The following DDN variants were observed in gnomAD, a reference collection of about 807,000 sequenced individuals.
DDN encodes the protein dendrin.
DDN carries 4 observed loss-of-function variants against 7.3 expected under a neutral mutation model. The ratio of observed to expected loss-of-function variants is 0.55; its 90% CI spans 0.27 to 1.25. DDN has a LOEUF of 1.25. Among genes scored for constraint, DDN ranks in the 50% most tolerant of loss-of-function variants. DDN has a pLI of 0.12. For synonymous variants in DDN, 425 were observed against 424.3 expected, an observed-to-expected ratio of 1.00 and a Z score of -0.02; for missense variants, 933 against 974.7, an observed-to-expected ratio of 0.96 and a Z score of 0.57.
At chr12:48,998,722 T>C in intron 1 of DDN, 56 bp from the exon 2 acceptor site, 1 of 1,433,670 alleles carries the variant, frequency 7.0e-7, no homozygotes, top group Non-Finnish European at 9.1e-7. Context: ...GGAGCCGAGG[T>C]CCGGGGAGCT....
Position 48,997,051 on chromosome 12 carries a change from CGGCGTAGGGCCCT to C in DDN, c.1812_1824del (p.Tyr607CysfsTer66). ...CGGGACACGGCTTCTCGCAGGGCCCCGGCGTAGGGCCCTGGGGTCCGCGCCCAGCCCCGGCCGG... is the reference window on the plus strand; with the variant it reads ...CGGGACACGGCTTCTCGCAGGGCCCCGGGGTCCGCGCCCAGCCCCGGCCGG... On this transcript the variant is annotated frameshift_variant, in exon 2 of 2. Coordinates refer to ENST00000421952, the MANE Select transcript of DDN (RefSeq NM_015086.2). LOFTEE classifies it high-confidence loss of function. 1 of 1,546,024 alleles carries C rather than the reference CGGCGTAGGGCCCT, an allele frequency of 6.5e-7. No homozygotes were observed. The highest frequency in any genetic ancestry group is 8.7e-7 in the Non-Finnish European group (1 of 1,151,224).
Position 48,997,110 on chromosome 12 carries a change from A to G in DDN, c.1766T>C (p.Val589Ala), listed in dbSNP as rs1247173417. ...GAQGRAEGSEVAVVQRRAGRG... is the reference protein window; with the variant it reads ...GAQGRAEGSEAAVVQRRAGRG... ...GCCGGCGCGCCGCTGGACCACCGCC[A>G]CTTCCGACCCCTCGGCTCTGCCCTG... Residue 589 changes from valine (V) to alanine (A), a missense_variant, in exon 2 of 2, where the codon GTG becomes GCG. By Grantham distance (64) the Val-to-Ala change is moderately conservative (BLOSUM62 0). Coordinates refer to ENST00000421952, the MANE Select transcript of DDN (RefSeq NM_015086.2). 1.3e-5 allele frequency: 20 copies of G among 1,524,618 alleles called. No homozygotes were observed. Among genetic ancestry groups the G allele is most frequent in the Admixed American group, 6.7e-5 (3 of 44,936 alleles). 94.4% of individuals were successfully genotyped at this position (1,524,618 alleles called of 1,614,324 possible).
Position 48,998,680 on chromosome 12 carries a change from C to G in DDN, c.210-14G>C. ...CGCGGCCCACACCTGGGACAATGAG[C>G]AGGAACCCAGGTGAGCAGTTTGTGG... On this transcript the variant is annotated splice_polypyrimidine_tract_variant and intron_variant, in intron 1 of 1. Transcript: ENST00000421952. 6.8e-7 allele frequency: 1 copy of G among 1,478,288 alleles called. No homozygotes were observed. The highest frequency in any genetic ancestry group is 8.9e-7 in the Non-Finnish European group (1 of 1,124,022). 91.6% of individuals were successfully genotyped at this position (1,478,288 alleles called of 1,614,324 possible). A position where few individuals can be genotyped will look rare whatever the true frequency, so the allele number is the denominator to read the frequency against.
chr12:48,999,271 A>C lies in DDN; in HGVS notation c.17T>G (p.Leu6Arg). The C allele has an allele frequency of 1.3e-6, 2 of 1,551,492 alleles. No individual in the cohort carries two copies. Among genetic ancestry groups the C allele is most frequent in the Non-Finnish European group, 1.7e-6 (2 of 1,147,422 alleles). The change falls in exon 1 of 2, where the codon CTG becomes CGG. Residue 6 changes from leucine (L) to arginine (R), a missense_variant. Physicochemically the swap from Leu to Arg is moderately radical, Grantham distance 102 (BLOSUM62 -2). Transcript: ENST00000421952. MLDGPLFSEGPDSPRE... is the reference protein window; with the variant it reads MLDGPRFSEGPDSPRE... ...GGGGCTGTCAGGCCCCTCGGAGAAC[A>C]GTGGGCCATCCAGCATCCTGCCCCA...
Position 48,997,451 on chromosome 12 carries a change from C to A in DDN, c.1425G>T (p.Val475=). ...GTGTCACCCCAGAGGGCAAAAGCTGCACCTGCTGGGTTCGGGGGGTTGGAA... is the reference window on the plus strand; with the variant it reads ...GTGTCACCCCAGAGGGCAAAAGCTGAACCTGCTGGGTTCGGGGGGTTGGAA... ...QYVPTPRTQQ[V]QLLPSGVTRV... is the part of the protein sequence containing the mutation. Residue 475 remains valine (V), a synonymous_variant, in exon 2 of 2, where the codon GTG becomes GTT. Transcript: ENST00000421952. 2.5e-6 allele frequency: 4 copies of A among 1,614,130 alleles called. No homozygotes were observed. Among genetic ancestry groups the A allele is most frequent in the Non-Finnish European group, 3.4e-6 (4 of 1,180,000 alleles).
At position 48,997,974 on chromosome 12, in the gene DDN, C is replaced by T. The variant is rs1176489041; in HGVS notation, c.902G>A (p.Gly301Glu). 1.9e-6 allele frequency: 3 copies of T among 1,613,132 alleles called. No homozygotes were observed. Among genetic ancestry groups the T allele is most frequent in the African/African-American group, 2.7e-5 (2 of 74,946 alleles). ...QGLLGGSPGC[G>E]AARARPEPGK... ...GGGCTCTGGCCTTGCTCTGGCCGCT[C>T]CACAGCCTGGGGATCCCCCCAAGAG... The change falls in exon 2 of 2, where the codon GGA becomes GAA. Residue 301 changes from glycine to glutamate, a missense_variant. By Grantham distance (98) the Gly-to-Glu change is moderately conservative. Coordinates refer to ENST00000421952, the MANE Select transcript of DDN (RefSeq NM_015086.2).
Position 48,998,419 on chromosome 12 carries a change from C to A in DDN, c.457G>T (p.Val153Leu), listed in dbSNP as rs1358667582. The A allele has an allele frequency of 1.3e-6, 2 of 1,510,596 alleles. No homozygotes were observed. Among genetic ancestry groups the A allele is most frequent in the Non-Finnish European group, 1.8e-6 (2 of 1,138,864 alleles). 93.6% of individuals were successfully genotyped at this position (1,510,596 alleles called of 1,614,324 possible). The change falls in exon 2 of 2, where the codon GTG (valine) becomes TTG (leucine). Residue 153 changes from valine to leucine, a missense_variant. Coordinates refer to ENST00000421952, the MANE Select transcript of DDN (RefSeq NM_015086.2). ...PRPEPRNAPR[V>L]AQLAGLPAPL... ...GCAGGGAGCCCTGCCAGCTGGGCCA[C>A]CCGAGGGGCGTTGCGGGGCTCCGGG...
In DDN at chr12:48,997,769, C is replaced by G. The variant is rs141222623; in HGVS notation, c.1107G>C (p.Lys369Asn). Residue 369 changes from lysine (K) to asparagine (N), a missense_variant, in exon 2 of 2, where the codon AAG becomes AAC. Transcript: ENST00000421952. ...CTCCTTCTTTCCCTTCCCTCGAGCC[C>G]TTGAGGTGGTGCCTGGATCTGGGAG... ...HPAPRSRHHLKGSREGKEGEQ... is the reference protein window; with the variant it reads ...HPAPRSRHHLNGSREGKEGEQ... 2.2e-5 allele frequency: 36 copies of G among 1,611,146 alleles called. No individual in the cohort carries two copies. The highest frequency in any genetic ancestry group is 2.9e-5 in the Non-Finnish European group (34 of 1,177,954).
In DDN at chr12:48,997,114, C is replaced by G; in HGVS notation, c.1762G>C (p.Glu588Gln). ...GCGCGCCGCTGGACCACCGCCACTTCCGACCCCTCGGCTCTGCCCTGGGCT... is the reference window on the plus strand; with the variant it reads ...GCGCGCCGCTGGACCACCGCCACTTGCGACCCCTCGGCTCTGCCCTGGGCT... ...SGAQGRAEGS[E>Q]VAVVQRRAGR... is the part of the protein sequence containing the mutation. The change falls in exon 2 of 2, where the codon GAA becomes CAA. Residue 588 changes from glutamate to glutamine, a missense_variant. Physicochemically the swap from Glu to Gln is conservative, Grantham distance 29 (BLOSUM62 2). Transcript: ENST00000421952. 1 of 1,525,842 alleles carries G rather than the reference C, an allele frequency of 6.6e-7. No homozygotes were observed. 94.5% of individuals were successfully genotyped at this position (1,525,842 alleles called of 1,614,324 possible).
chr12:48,997,646 G>T lies in DDN; in HGVS notation c.1230C>A (p.Thr410=). Reference sequence around the variant, plus strand: ...CAAGACCCAGAGATTCTCTCCATCCGGTGCCTCCGGGAGCCCAGGGTCTGG... The same window carrying T: ...CAAGACCCAGAGATTCTCTCCATCCTGTGCCTCCGGGAGCCCAGGGTCTGG... ...TLPRPWAPGG[T]GWRESLGLGE... Residue 410 remains threonine (T), a synonymous_variant, in exon 2 of 2, where the codon ACC becomes ACA. Transcript: ENST00000421952. 1.3e-6 allele frequency: 2 copies of T among 1,548,086 alleles called. No homozygotes were observed. The highest frequency in any genetic ancestry group is 1.7e-6 in the Non-Finnish European group (2 of 1,145,966).
chr12:48,995,651 C>T lies in DDN; in HGVS notation c.*1089G>A, dbSNP rs778410372. On this transcript the variant is annotated 3_prime_UTR_variant, in exon 2 of 2. Coordinates refer to ENST00000421952, the MANE Select transcript of DDN (RefSeq NM_015086.2). ...CGCCTGCTGGCTTCTGGTGACCGGCCTCTTTCCTTGCCTGGCCGGTTTCTG... is the reference window on the plus strand; with the variant it reads ...CGCCTGCTGGCTTCTGGTGACCGGCTTCTTTCCTTGCCTGGCCGGTTTCTG... 1 of 152,278 alleles carries T rather than the reference C, an allele frequency of 6.6e-6. No homozygotes were observed. Among genetic ancestry groups the T allele is most frequent in the Non-Finnish European group, 1.5e-5 (1 of 68,064 alleles). The allele number at this position is 152,278 out of a possible 1,614,324, so 9.4% of individuals were successfully genotyped here.
rs375462856 is a variant in DDN at position 48,997,545 on chromosome 12, T to C, written c.1331A>G (p.Gln444Arg). 14 of 1,604,080 alleles carry C rather than the reference T, an allele frequency of 8.7e-6. No homozygotes were observed. In the African/African-American group the frequency reaches 1.7e-4, roughly 20 times the overall value. The change falls in exon 2 of 2, where the codon CAG becomes CGG. Residue 444 changes from glutamine (Q) to arginine (R), a missense_variant. Physicochemically the swap from Gln to Arg is conservative, Grantham distance 43. Transcript: ENST00000421952. ...RRAHTLPRSS[Q>R]GLSRGEGVFV... Reference sequence around the variant, plus strand: ...GACGCCTTCCCCACGGGACAGGCCCTGGGAACTGCGGGGCAAGGTGTGGGC... The same window carrying C: ...GACGCCTTCCCCACGGGACAGGCCCCGGGAACTGCGGGGCAAGGTGTGGGC...
At position 48,996,411 on chromosome 12, in the gene DDN, C is replaced by T. The variant is rs1334962342; in HGVS notation, c.*329G>A. On this transcript the variant is annotated 3_prime_UTR_variant, in exon 2 of 2. Coordinates refer to ENST00000421952, the MANE Select transcript of DDN (RefSeq NM_015086.2). Reference sequence around the variant, plus strand: ...AGAGGCCCTACCCTACCCTGCCCTCCTATGGCTGCCACCATCCCTGCCCTC... The same window carrying T: ...AGAGGCCCTACCCTACCCTGCCCTCTTATGGCTGCCACCATCCCTGCCCTC... The T allele has an allele frequency of 1.1e-5, 3 of 262,962 alleles. No individual in the cohort carries two copies. Among genetic ancestry groups the T allele is most frequent in the Non-Finnish European group, 2.2e-5 (3 of 137,438 alleles). 16.3% of individuals were successfully genotyped at this position (262,962 alleles called of 1,614,324 possible). A position where few individuals can be genotyped will look rare whatever the true frequency, so the allele number is the denominator to read the frequency against.
chr12:48,997,224 A>T lies in DDN; in HGVS notation c.1652T>A (p.Leu551His). The change falls in exon 2 of 2, where the codon CTC (leucine) becomes CAC (histidine). Residue 551 changes from leucine to histidine, a missense_variant. By Grantham distance (99) the Leu-to-His change is moderately conservative. Coordinates refer to ENST00000421952, the MANE Select transcript of DDN (RefSeq NM_015086.2). ...LEERTFRILG[L>H]PAPEVNLRDA... ...CCGCAGGTTTACTTCGGGGGCCGGGAGCCCCAAGATGCGGAAAGTGCGCTC... is the reference window on the plus strand; with the variant it reads ...CCGCAGGTTTACTTCGGGGGCCGGGTGCCCCAAGATGCGGAAAGTGCGCTC... 6 of 1,588,820 alleles carry T rather than the reference A, an allele frequency of 3.8e-6. No individual in the cohort carries two copies. The highest frequency in any genetic ancestry group is 5.1e-6 in the Non-Finnish European group (6 of 1,167,274).
rs767488203 is a variant in DDN, at chr12:48,997,362, A to C, written c.1514T>G (p.Val505Gly). 5 of 1,612,766 alleles carry C rather than the reference A, an allele frequency of 3.1e-6. No homozygotes were observed. Among genetic ancestry groups the C allele is most frequent in the Non-Finnish European group, 4.2e-6 (5 of 1,179,548 alleles). ...PGKEEGEGAT[V>G]FPSPCQKRLS... ...CCGCTTTTGACAAGGGGAAGGAAAG[A>C]CCGTGGCCCCTTCACCCTCCTCCTT... Residue 505 changes from valine to glycine, a missense_variant, in exon 2 of 2, where the codon GTC becomes GGC. Val to Gly is a moderately radical substitution (Grantham distance 109). Coordinates refer to ENST00000421952, the MANE Select transcript of DDN (RefSeq NM_015086.2).
intron 1 of DDN, 56 bp downstream of exon 1, chr12:48,999,023 T>C (rs1265631781): frequency 1.9e-6 from 3 of 1,580,060 alleles, no homozygotes; most frequent in Non-Finnish European, 2.6e-6. Context: ...TGCGGGGAGG[T>C]CCGGACCCCA....
rs1306860824 is a variant in DDN at position 48,995,668 on chromosome 12, C to CAA, written c.*1071_*1072insTT. 4 of 152,258 alleles carry CAA rather than the reference C, an allele frequency of 2.6e-5. No homozygotes were observed. The highest frequency in any genetic ancestry group is 9.6e-5 in the African/African-American group (4 of 41,458). 9.4% of individuals were successfully genotyped at this position (152,258 alleles called of 1,614,324 possible). ...TGACCGGCCTCTTTCCTTGCCTGGC[C>CAA]GGTTTCTGGAAGAGGCCAAGATGGG... On this transcript the variant is annotated 3_prime_UTR_variant, in exon 2 of 2. Coordinates refer to ENST00000421952, the MANE Select transcript of DDN (RefSeq NM_015086.2).
rs1196472449 is a variant in DDN at position 48,998,664 on chromosome 12, C to T, written c.212G>A (p.Cys71Tyr). 5 of 1,497,982 alleles carry T rather than the reference C, an allele frequency of 3.3e-6. No homozygotes were observed. Among genetic ancestry groups the T allele is most frequent in the African/African-American group, 1.4e-5 (1 of 70,304 alleles). 92.8% of individuals were successfully genotyped at this position (1,497,982 alleles called of 1,614,324 possible). Residue 71 changes from cysteine to tyrosine, a missense_variant and splice_region_variant, in exon 2 of 2, where the codon TGT becomes TAT. Cys to Tyr is a radical substitution (Grantham distance 194). Transcript: ENST00000421952. ...CTGTGGGGATCCCGGGCGCGGCCCA[C>T]ACCTGGGACAATGAGCAGGAACCCA... ...HWARGFQNRT[C>Y]GPRPGSPQPP...
In DDN at chr12:48,997,612, C is replaced by T; in HGVS notation, c.1264G>A (p.Ala422Thr). 3 of 1,557,866 alleles carry T rather than the reference C, an allele frequency of 1.9e-6. No individual in the cohort carries two copies. The highest frequency in any genetic ancestry group is 8.7e-7 in the Non-Finnish European group (1 of 1,150,762). ...WRESLGLGEG[A>T]GPETLEGWKA... ...CAACCCTCCAGGGTCTCCGGTCCTGCCCCCTCTCCAAGACCCAGAGATTCT... is the reference window on the plus strand; with the variant it reads ...CAACCCTCCAGGGTCTCCGGTCCTGTCCCCTCTCCAAGACCCAGAGATTCT... Residue 422 changes from alanine to threonine, a missense_variant, in exon 2 of 2, where the codon GCA becomes ACA. By Grantham distance (58) the Ala-to-Thr change is moderately conservative. Transcript: ENST00000421952.
Sources: gnomAD v4.1 joint callset for allele counts on GRCh38, gnomAD v4.1.1 for gene constraint, MANE v1.5 for transcripts, NCBI Gene and HGNC (gene_info 2026-07-23, HGNC 2026-07-21) for gene names.